The following HECW1 variants were observed in gnomAD, a reference collection of about 807,000 sequenced individuals.
The protein encoded by HECW1 is E3 ubiquitin-protein ligase HECW1.
HECW1 carries 61 observed loss-of-function variants against 182.3 expected under a neutral mutation model. The ratio of observed to expected loss-of-function variants is 0.33; its 90% CI spans 0.27 to 0.41. The LOEUF (loss-of-function observed/expected upper bound fraction) is 0.41. HECW1 is among the 10% of genes least tolerant of loss of function. The pLI is 1.00. For synonymous variants in HECW1, 859 were observed against 832.6 expected (o/e 1.03, Z -0.55); for missense variants, 1,739 against 2,108.9 (o/e 0.82, Z 3.44).
At chr7:43,144,137 T>G (rs189584740) in intron 2 of HECW1, among the ~76,000 whole-genome samples, 129 of 152,342 alleles carry the variant, frequency 8.5e-4, no homozygotes, top group Non-Finnish European at 1.3e-3. Flanking sequence ...TTTGATGACC[T>G]TGACAGTTTT....
At chr7:43,136,315 A>G (rs1318079206) in intron 2 of HECW1, among the ~76,000 whole-genome samples, 1 of 152,198 alleles carries the variant, frequency 6.6e-6, no homozygotes, top group Non-Finnish European at 1.5e-5. Flanking sequence ...AAGCTGTTAT[A>G]TGTGTTTCTC....
chr7:43,233,349 C>T (rs1420005308), intron 2 of HECW1, among the ~76,000 whole-genome samples: 1 of 152,180 alleles, frequency 6.6e-6, no homozygotes. Context: ...CAGACAGTCG[C>T]ATATATCCAA....
At chr7:43,508,165 G>T in intron 23 of HECW1, 34 bp downstream of exon 23, 1 of 1,444,748 alleles carries the variant, frequency 6.9e-7, no homozygotes, top group Non-Finnish European at 9.7e-7. Flanking sequence ...AGACACCTAA[G>T]CAAGGGTGGG....
intron 6 of HECW1, among the ~76,000 whole-genome samples, chr7:43,388,792 C>T (rs2074903050): frequency 6.6e-6 from 1 of 152,156 alleles, no homozygotes; most frequent in East Asian, 1.9e-4. Flanking sequence ...CCAGCTGAAA[C>T]ACTCTGTGAG....
intron 24 of HECW1, 102 bp downstream of exon 24, chr7:43,509,223 C>G (rs58269877): frequency 0.029 from 32,429 of 1,137,430 alleles, 950 homozygotes; most frequent in East Asian, 0.15. Context: ...AGAGCAGTGG[C>G]CAGATGTTAT....
chr7:43,373,605 T>G (rs1584676785), intron 6 of HECW1, among the ~76,000 whole-genome samples: 1 of 152,214 alleles, frequency 6.6e-6, no homozygotes, highest in African/African-American at 2.4e-5. Flanking sequence ...TTTACATGTT[T>G]GTTTTTTTTT....
chr7:43,154,606 T>C (rs768644392), intron 2 of HECW1, among the ~76,000 whole-genome samples: 3 of 152,206 alleles, frequency 2.0e-5, no homozygotes, highest in Non-Finnish European at 4.4e-5. Flanking sequence ...ATAGTGTATA[T>C]TAGGAAACAT....
At chr7:43,429,278 T>C (rs2076455589) in intron 8 of HECW1, among the ~76,000 whole-genome samples, 1 of 139,968 alleles carries the variant, frequency 7.1e-6, no homozygotes, top group Admixed American at 7.3e-5. Flanking sequence ...AAACTTTCCA[T>C]ATATTATATG....
chr7:43,272,821 G>T (rs188569627), intron 3 of HECW1, among the ~76,000 whole-genome samples: 4 of 152,268 alleles, frequency 2.6e-5, no homozygotes, highest in African/African-American at 9.6e-5. Context: ...ATTACTCTGT[G>T]TATTTCCAAA....
At chr7:43,422,553 T>C (rs1035147626) in intron 8 of HECW1, among the ~76,000 whole-genome samples, 1 of 151,774 alleles carries the variant, frequency 6.6e-6, no homozygotes, top group South Asian at 2.1e-4. Flanking sequence ...TTAGTAGAGA[T>C]GGGGTTTCAC....
intron 3 of HECW1, among the ~76,000 whole-genome samples, chr7:43,306,455 A>G (rs968639719): frequency 2.6e-5 from 4 of 151,988 alleles, no homozygotes; most frequent in Non-Finnish European, 5.9e-5. Flanking sequence ...AGCTGCAGGC[A>G]TCTTCTTGAT....
At chr7:43,254,564 A>G (rs1298292560) in intron 3 of HECW1, among the ~76,000 whole-genome samples, 3 of 152,226 alleles carry the variant, frequency 2.0e-5, no homozygotes, top group African/African-American at 7.2e-5. Flanking sequence ...TCAAACATTA[A>G]GTCAATATAC....
intron 24 of HECW1, among the ~76,000 whole-genome samples, chr7:43,523,961 A>G (rs1372806845): frequency 1.3e-5 from 2 of 152,150 alleles, no homozygotes; most frequent in East Asian, 1.9e-4. Context: ...AGTGATGCCT[A>G]AGGCAAAAAA....
At chr7:43,480,197 A>G (rs761566928) in intron 17 of HECW1, among the ~76,000 whole-genome samples, 1 of 152,212 alleles carries the variant, frequency 6.6e-6, no homozygotes, top group African/African-American at 2.4e-5. Flanking sequence ...ACCAGGCCAC[A>G]GGAAGTGGTG....
chr7:43,164,768 A>G (rs1214431404), intron 2 of HECW1, among the ~76,000 whole-genome samples: 2 of 152,332 alleles, frequency 1.3e-5, no homozygotes, highest in Middle Eastern at 3.4e-3. Context: ...TCCAGGACTG[A>G]TGGTGCATGT....
At position 43,317,838 on chromosome 7, in the gene HECW1, TGTG is replaced by T. The variant is rs1562828095; in HGVS notation, c.353-2796_353-2794del. Among the ~76,000 whole-genome samples, 90 of 152,036 alleles carry T rather than the reference TGTG, an allele frequency of 5.9e-4. 1 individual carries two copies. The highest frequency in any genetic ancestry group is 2.1e-3 in the African/African-American group (87 of 41,460). On this transcript the variant is annotated intron_variant, in intron 4 of 29. Transcript: ENST00000395891. ...GTGTGTGTGTGTGTGTGTGTGTGTG[TGTG>T]TGTGTGTGTGTTTGCCATCCTCGTC...
At chr7:43,416,707 A>C (rs148278095) in intron 8 of HECW1, among the ~76,000 whole-genome samples, 39,858 of 132,474 alleles carry the variant, frequency 0.3, 6,385 homozygotes, top group Middle Eastern at 0.44. Flanking sequence ...ACCCTCCGAG[A>C]CAGGTGTGGG....
intron 13 of HECW1, among the ~76,000 whole-genome samples, chr7:43,459,233 A>G (rs910948145): frequency 2.6e-5 from 4 of 152,100 alleles, no homozygotes; most frequent in African/African-American, 7.2e-5. Flanking sequence ...GCCTGTTCTT[A>G]CCTTTTTGCC....
chr7:43,140,162 A>T (rs181023268), intron 2 of HECW1, among the ~76,000 whole-genome samples: 132 of 151,672 alleles, frequency 8.7e-4, no homozygotes, highest in African/African-American at 3.1e-3. Context: ...GGAATTTTGG[A>T]TTCTGACATC....
Sources: allele counts gnomAD v4.1 joint callset (sites outside exome capture counted in the v4.1 genomes callset), GRCh38; gene constraint gnomAD v4.1.1; transcripts MANE v1.5; gene names NCBI Gene and HGNC (gene_info 2026-07-23, HGNC 2026-07-21).